Variants in CEP70 observed in about 807,000 individuals in gnomAD.
The protein encoded by CEP70 is centrosomal protein of 70 kDa.
Under a neutral mutation model 90.9 loss-of-function variants are expected in CEP70, and 70 were observed. The ratio of observed to expected loss-of-function variants is 0.77; its 90% CI spans 0.64 to 0.94. The LOEUF is 0.94. CEP70 is among the 40% of genes least tolerant of loss of function. CEP70 has a pLI of 0.00. For synonymous variants in CEP70, 220 were observed against 228.3 expected (o/e 0.96, Z 0.33); for missense variants, 648 against 669.0 (o/e 0.97, Z 0.35).
At chr3:138,572,105 G>T (rs1392949182) in intron 3 of CEP70, among the ~76,000 whole-genome samples, 2 of 152,022 alleles carry the variant, frequency 1.3e-5, no homozygotes, top group Non-Finnish European at 2.9e-5. Context: ...AATGACTAGG[G>T]TCACAAAAAA....
intron 17 of CEP70, chr3:138,496,778 C>A (rs557766839): frequency 2.0e-6 from 2 of 985,376 alleles, no homozygotes; most frequent in South Asian, 9.4e-5. Flanking sequence ...TCAACTTTGA[C>A]CAAATTACAG....
intron 6 of CEP70, among the ~76,000 whole-genome samples, chr3:138,556,776 G>A (rs150973134): frequency 6.6e-6 from 1 of 151,946 alleles, no homozygotes; most frequent in African/African-American, 2.4e-5. Flanking sequence ...GTACAAATAG[G>A]GTGTGGGTCA....
At chr3:138,591,622 C>T (rs901066550) in intron 2 of CEP70, among the ~76,000 whole-genome samples, 1 of 152,170 alleles carries the variant, frequency 6.6e-6, no homozygotes, top group African/African-American at 2.4e-5. Context: ...TGGCACACAG[C>T]AGGATGGAGA....
chr3:138,512,263 T>C (rs978387086), intron 11 of CEP70, among the ~76,000 whole-genome samples: 1 of 152,210 alleles, frequency 6.6e-6, no homozygotes, highest in Non-Finnish European at 1.5e-5. Flanking sequence ...CTGCTCATTC[T>C]AAATTTTCTT....
chr3:138,530,506 AAAC>A (rs376279408), intron 8 of CEP70: 127 of 788,934 alleles, frequency 1.6e-4, no homozygotes, highest in East Asian at 3.8e-4. Context: ...CTGATGATAA[AAAC>A]AACAACAACA....
At chr3:138,562,868 A>C (rs1160851296) in intron 6 of CEP70, among the ~76,000 whole-genome samples, 1 of 152,192 alleles carries the variant, frequency 6.6e-6, no homozygotes, top group Non-Finnish European at 1.5e-5. Flanking sequence ...TTAACCTTAA[A>C]TGTAAACGGC....
At chr3:138,497,326 T>C (rs1415521133) in intron 17 of CEP70, 1 of 1,252,452 alleles carries the variant, frequency 8.0e-7, no homozygotes, top group Non-Finnish European at 1.0e-6. Flanking sequence ...CAAAGAGCCA[T>C]TCTTTAAAAA....
intron 3 of CEP70, 122 bp downstream of exon 3, chr3:138,572,737 C>T: frequency 1.4e-6 from 1 of 734,232 alleles, no homozygotes; most frequent in Non-Finnish European, 2.4e-6. Context: ...TAGTCTTTAA[C>T]CCAGCATTTC....
At chr3:138,506,535 A>G (rs1165082005) in intron 12 of CEP70, among the ~76,000 whole-genome samples, 3 of 152,162 alleles carry the variant, frequency 2.0e-5, no homozygotes, top group Non-Finnish European at 4.4e-5. Flanking sequence ...TACCACCATC[A>G]AGTTCAGCCT....
chr3:138,573,088 T>A (rs2041289311), intron 2 of CEP70, 156 bp from the exon 3 acceptor site: 1 of 603,170 alleles, frequency 1.7e-6, no homozygotes, highest in South Asian at 2.0e-5. Flanking sequence ...GCGTCAAAAC[T>A]TTGTGACTTC....
At chr3:138,535,578 T>G (rs531605644) in intron 7 of CEP70, among the ~76,000 whole-genome samples, 23 of 152,274 alleles carry the variant, frequency 1.5e-4, no homozygotes, top group Non-Finnish European at 2.9e-4. Context: ...GTATTTCCAA[T>G]AGGTTTAATT....
chr3:138,528,997 AAAAT>A (rs1473476291), intron 10 of CEP70, among the ~76,000 whole-genome samples, 198 bp downstream of exon 10: 1 of 151,954 alleles, frequency 6.6e-6, no homozygotes, highest in African/African-American at 2.4e-5. Flanking sequence ...GTCTCAGTTA[AAAAT>A]AAATAATTTT....
intron 11 of CEP70, among the ~76,000 whole-genome samples, chr3:138,520,881 G>A (rs1208566818): frequency 1.7e-4 from 26 of 152,072 alleles, no homozygotes. Context: ...CTGTACTGCC[G>A]CGATCTCGGC....
intron 11 of CEP70, among the ~76,000 whole-genome samples, chr3:138,516,782 C>T (rs564596481): frequency 5.9e-5 from 9 of 151,486 alleles, no homozygotes; most frequent in Non-Finnish European, 1.2e-4. Context: ...ACAGAGCTGT[C>T]GCTGAAAACT....
At chr3:138,531,806 T>C (rs2037841541) in intron 8 of CEP70, among the ~76,000 whole-genome samples, 1 of 151,798 alleles carries the variant, frequency 6.6e-6, no homozygotes, top group Admixed American at 6.6e-5. Flanking sequence ...GTCACTATTC[T>C]TGGGGCAAGA....
At chr3:138,576,350 A>G (rs1246269721) in intron 2 of CEP70, among the ~76,000 whole-genome samples, 1 of 152,242 alleles carries the variant, frequency 6.6e-6, no homozygotes, top group Non-Finnish European at 1.5e-5. Flanking sequence ...CAAAAGAGAT[A>G]AAGAAGACCA....
chr3:138,552,520 G>T (rs1175768393), intron 6 of CEP70, among the ~76,000 whole-genome samples: 1 of 151,882 alleles, frequency 6.6e-6, no homozygotes, highest in African/African-American at 2.4e-5. Context: ...ACTCCAAAAG[G>T]TACCTTCAAA....
Position 138,505,432 on chromosome 3 carries a change from G to C in CEP70, c.1084C>G (p.Pro362Ala), listed in dbSNP as rs61996332. 1.2e-3 allele frequency: 1,915 copies of C among 1,606,790 alleles called. 3 individuals are homozygous for C. Among genetic ancestry groups the C allele is most frequent in the Admixed American group, 1.6e-3 (96 of 59,040 alleles). ...LCSINSIIHNPRAPVIIYKQT... is the reference protein window; with the variant it reads ...LCSINSIIHNARAPVIIYKQT... ...TTATAAATTATTACTGGAGCTCTTG[G>C]ATTGTGGATAATTGAATTGATGCTA... The change falls in exon 13 of 18, where the codon CCA becomes GCA. Residue 362 changes from proline (P) to alanine (A), a missense_variant. Physicochemically the swap from Pro to Ala is conservative, Grantham distance 27. Coordinates refer to ENST00000264982, the MANE Select transcript of CEP70 (RefSeq NM_024491.4).
chr3:138,560,538 G>A (rs1268043124), intron 6 of CEP70, among the ~76,000 whole-genome samples: 3 of 151,710 alleles, frequency 2.0e-5, no homozygotes, highest in Non-Finnish European at 4.4e-5. Context: ...TTGCTCCCCT[G>A]GAAAGGGGAC....
Sources: allele counts gnomAD v4.1 joint callset (sites outside exome capture counted in the v4.1 genomes callset), GRCh38; gene constraint gnomAD v4.1.1; transcripts MANE v1.5; gene names NCBI Gene and HGNC (gene_info 2026-07-23, HGNC 2026-07-21).